The following GABRA1 variants were observed in gnomAD, a reference collection of about 807,000 sequenced individuals.
GABRA1 encodes gamma-aminobutyric acid receptor subunit alpha-1.
GABRA1 carries 9 observed loss-of-function variants against 48.9 expected under a neutral mutation model. The ratio of observed to expected loss-of-function variants is 0.18; its 90% CI spans 0.11 to 0.32. GABRA1 has a LOEUF of 0.32. Among genes scored for constraint, GABRA1 ranks in the 10% least tolerant of loss-of-function variants. The probability of loss-of-function intolerance (pLI) is 1.00; values close to 1 mark genes in which losing one functional copy is unlikely to be tolerated. For missense variants in GABRA1, 285 were observed against 553.8 expected, an observed-to-expected ratio of 0.51 and a Z score of 4.87; for synonymous variants, 210 against 198.7, an observed-to-expected ratio of 1.06 and a Z score of -0.48.
In GABRA1 at chr5:161,897,328, C is replaced by T; in HGVS notation, c.1277C>T (p.Ala426Val). 2 of 1,614,114 alleles carry T rather than the reference C, an allele frequency of 1.2e-6. No homozygotes were observed. The highest frequency in any genetic ancestry group is 1.7e-6 in the Non-Finnish European group (2 of 1,179,986). Residue 426 changes from alanine to valine, a missense_variant, in exon 10 of 10, where the codon GCC becomes GTC. Around this residue, in one of 6 missense-constraint regions of GABRA1, gnomAD observed 6 missense variants for 22.0 expected, o/e 0.27. Transcript: ENST00000393943. ...VSKIDRLSRIAFPLLFGIFNL... is the reference protein window; with the variant it reads ...VSKIDRLSRIVFPLLFGIFNL... The stretch of plus-strand genomic sequence containing the variant: ...AAAATTGACCGACTGTCAAGAATAG[C>T]CTTCCCGCTGCTATTTGGAATCTTT...
chr5:161,882,751 T>A, intron 7 of GABRA1, 50 bp downstream of exon 7: 1 of 1,550,174 alleles, frequency 6.5e-7, no homozygotes, highest in Non-Finnish European at 8.9e-7. Flanking sequence ...AAGAATAATA[T>A]TTTGTGAGAA....
chr5:161,861,318 T>TA (rs1757851408), intron 3 of GABRA1, among the ~76,000 whole-genome samples: 1 of 151,764 alleles, frequency 6.6e-6, no homozygotes, highest in Admixed American at 6.6e-5. Flanking sequence ...TATAAAAATT[T>TA]AAAAAAGACT....
At position 161,897,424 on chromosome 5, in the gene GABRA1, T is replaced by A. The variant is rs762836110; in HGVS notation, c.*2T>A. ...AAAGCCCCCACACCACATCAATAGA[T>A]CTTTTACTCACATTCTGTTGTTCAG... On this transcript the variant is annotated 3_prime_UTR_variant, in exon 10 of 10. Coordinates refer to ENST00000393943, the MANE Select transcript of GABRA1 (RefSeq NM_001127644.2). The A allele has an allele frequency of 1.2e-4, 197 of 1,612,206 alleles. No homozygotes were observed. Among genetic ancestry groups the A allele is most frequent in the Non-Finnish European group, 1.6e-4 (188 of 1,178,470 alleles).
intron 9 of GABRA1, 71 bp downstream of exon 9, chr5:161,895,939 G>A (rs2113465468): frequency 1.5e-6 from 2 of 1,357,780 alleles, no homozygotes; most frequent in East Asian, 4.6e-5. Flanking sequence ...GAGATGTTTT[G>A]GCCTGTGGTA....
intron 6 of GABRA1, chr5:161,882,304 A>G (rs1351943945): frequency 1.9e-6 from 1 of 524,202 alleles, no homozygotes; most frequent in Non-Finnish European, 3.4e-6. Context: ...TATATTCACT[A>G]CTGTATCCCC....
At chr5:161,876,155 T>C (rs987769285) in intron 6 of GABRA1, among the ~76,000 whole-genome samples, 3 of 151,242 alleles carry the variant, frequency 2.0e-5, no homozygotes, top group Admixed American at 6.6e-5. Context: ...GAAAATTAGC[T>C]GATATGTGTG....
chr5:161,897,193 G>T lies in GABRA1; in HGVS notation c.1142G>T (p.Arg381Met). 1.2e-6 allele frequency: 2 copies of T among 1,614,074 alleles called. No homozygotes were observed. Among genetic ancestry groups the T allele is most frequent in the South Asian group, 2.2e-5 (2 of 91,082 alleles). Residue 381 changes from arginine (R) to methionine (M), a missense_variant, in exon 10 of 10, where the codon AGG (arginine) becomes ATG (methionine). Coordinates refer to ENST00000393943, the MANE Select transcript of GABRA1 (RefSeq NM_001127644.2). ...ACCAGCTACACCCCTAATTTGGCCAGGGGCGACCCGGGCTTAGCCACCATT... is the reference window on the plus strand; with the variant it reads ...ACCAGCTACACCCCTAATTTGGCCATGGGCGACCCGGGCTTAGCCACCATT... ...TATSYTPNLA[R>M]GDPGLATIAK...
Position 161,896,963 on chromosome 5 carries a change from T to A in GABRA1, c.1060-148T>A. On this transcript the variant is annotated intron_variant, in intron 9 of 9. Transcript: ENST00000393943. ...AAATACTGCCTGCATTTTTAATTTA[T>A]TATAATAAGACAGGCATAAATTATG... 3 of 685,876 alleles carry A rather than the reference T, an allele frequency of 4.4e-6. No homozygotes were observed. In the South Asian group the frequency reaches 5.5e-5, roughly 13 times the overall value. The allele number at this position is 685,876 out of a possible 1,614,324, so 42.5% of individuals were successfully genotyped here.
At chr5:161,849,031 G>A (rs770462324) in intron 1 of GABRA1, 1 of 454,420 alleles carries the variant, frequency 2.2e-6, no homozygotes, top group South Asian at 1.6e-5. Flanking sequence ...GGATGGCATG[G>A]GATGGTAACG....
At chr5:161,866,014 C>A (rs542179672) in intron 4 of GABRA1, among the ~76,000 whole-genome samples, 1 of 152,038 alleles carries the variant, frequency 6.6e-6, no homozygotes, top group South Asian at 2.1e-4. Flanking sequence ...CCACTGCAGT[C>A]ATCTTTTTTT....
At chr5:161,881,272 T>A (rs1052701447) in intron 6 of GABRA1, among the ~76,000 whole-genome samples, 39 of 152,160 alleles carry the variant, frequency 2.6e-4, no homozygotes, top group African/African-American at 8.9e-4. Context: ...TTTAACCTCA[T>A]TCTGCATCTA....
At chr5:161,885,374 T>C (rs1205709544) in intron 7 of GABRA1, among the ~76,000 whole-genome samples, 1 of 152,164 alleles carries the variant, frequency 6.6e-6, no homozygotes, top group East Asian at 1.9e-4. Context: ...CCTTCCTGTT[T>C]CTGTCAGAAG....
chr5:161,884,861 ATG>A (rs1373143059), intron 7 of GABRA1, among the ~76,000 whole-genome samples: 8 of 152,134 alleles, frequency 5.3e-5, no homozygotes, highest in Non-Finnish European at 5.9e-5. Context: ...CTGAGATCCC[ATG>A]TGTTCAAAAT....
chr5:161,861,017 G>T (rs570209100), intron 3 of GABRA1, among the ~76,000 whole-genome samples: 3 of 151,788 alleles, frequency 2.0e-5, no homozygotes, highest in African/African-American at 7.2e-5. Context: ...ATAACGTAGT[G>T]TTCCTGAGAT....
intron 2 of GABRA1, 41 bp from the exon 3 acceptor site, chr5:161,854,117 T>A (rs760940340): frequency 9.1e-6 from 9 of 988,310 alleles, no homozygotes; most frequent in Non-Finnish European, 1.5e-5. Context: ...TTAGTAGAAA[T>A]GTATAATTTA....
chr5:161,893,191 A>G (rs1755199829), intron 8 of GABRA1, among the ~76,000 whole-genome samples: 1 of 152,008 alleles, frequency 6.6e-6, no homozygotes, highest in African/African-American at 2.4e-5. Context: ...AATTATTTAC[A>G]GCATTTCAGA....
intron 3 of GABRA1, among the ~76,000 whole-genome samples, chr5:161,863,459 G>A (rs1043823377): frequency 6.6e-6 from 1 of 151,912 alleles, no homozygotes; most frequent in Admixed American, 6.6e-5. Context: ...GCAGAAGTGA[G>A]AGAGAGAGCC....
intron 4 of GABRA1, among the ~76,000 whole-genome samples, chr5:161,867,201 C>A (rs537011000): frequency 6.6e-6 from 1 of 152,238 alleles, no homozygotes; most frequent in Admixed American, 6.5e-5. Flanking sequence ...AAATTGACAA[C>A]TCTCTGAGGA....
Position 161,865,783 on chromosome 5 carries a change from G to A in GABRA1, c.250G>A (p.Asp84Asn). ...VTSFGPVSDH[D>N]MEYTIDVFFR... ...CAGTTTCGGACCCGTTTCAGACCAT[G>A]ATATGGTAAGTGGACACTTTATCTT... The change falls in exon 4 of 10, where the codon GAT becomes AAT. Residue 84 changes from aspartate (D) to asparagine (N), a missense_variant. By Grantham distance (23) the Asp-to-Asn change is conservative (BLOSUM62 1). Coordinates refer to ENST00000393943, the MANE Select transcript of GABRA1 (RefSeq NM_001127644.2). 1 of 1,611,090 alleles carries A rather than the reference G, an allele frequency of 6.2e-7. No homozygotes were observed. The highest frequency in any genetic ancestry group is 8.5e-7 in the Non-Finnish European group (1 of 1,177,536).
Sources: allele counts gnomAD v4.1 joint callset (sites outside exome capture counted in the v4.1 genomes callset), GRCh38; gene constraint gnomAD v4.1.1; regional missense constraint gnomAD v4.1.1; transcripts MANE v1.5; gene names NCBI Gene and HGNC (gene_info 2026-07-23, HGNC 2026-07-21).